Variants in KCNIP4 observed in about 807,000 individuals in gnomAD.
KCNIP4 encodes Kv channel-interacting protein 4.
Under a neutral mutation model 34.0 loss-of-function variants are expected in KCNIP4, and 12 were observed. The ratio of observed to expected loss-of-function variants is 0.35; its 90% CI spans 0.23 to 0.57. KCNIP4 has a LOEUF of 0.57. Among genes scored for constraint, KCNIP4 ranks in the 20% least tolerant of loss-of-function variants. KCNIP4 has a pLI of 0.83. For missense variants in KCNIP4, 238 were observed against 311.7 expected (o/e 0.76, Z 1.78); for synonymous variants, 124 against 102.2 (o/e 1.21, Z -1.29).
intron 1 of KCNIP4, among the ~76,000 whole-genome samples, chr4:21,436,391 A>G (rs1311897185): frequency 6.6e-6 from 1 of 151,414 alleles, no homozygotes; most frequent in Non-Finnish European, 1.5e-5. Flanking sequence ...TTACATCTTT[A>G]CTCTTTTTTT....
At chr4:21,519,847 ATATT>A (rs1257580468) in intron 1 of KCNIP4, among the ~76,000 whole-genome samples, 2 of 141,310 alleles carry the variant, frequency 1.4e-5, no homozygotes, top group East Asian at 2.1e-4. Flanking sequence ...GTGTGTGTAT[ATATT>A]TATATATTTA....
intron 1 of KCNIP4, among the ~76,000 whole-genome samples, chr4:21,206,859 G>A (rs538007239): frequency 7.2e-5 from 11 of 152,158 alleles, no homozygotes; most frequent in Non-Finnish European, 1.2e-4. Context: ...GAATTCAATC[G>A]TGGGGCTATC....
intron 1 of KCNIP4, among the ~76,000 whole-genome samples, chr4:21,818,508 A>G (rs965260450): frequency 1.3e-5 from 2 of 152,230 alleles, no homozygotes; most frequent in Non-Finnish European, 2.9e-5. Flanking sequence ...TTTTGTAGCC[A>G]CTAGTGGTGT....
chr4:20,826,878 T>G (rs1717828143), intron 3 of KCNIP4, among the ~76,000 whole-genome samples: 1 of 152,132 alleles, frequency 6.6e-6, no homozygotes, highest in South Asian at 2.1e-4. Context: ...GAAGGACAGA[T>G]TATTTAATAC....
At chr4:20,997,194 C>T (rs769306515) in intron 1 of KCNIP4, among the ~76,000 whole-genome samples, 6 of 151,958 alleles carry the variant, frequency 3.9e-5, no homozygotes, top group Non-Finnish European at 5.9e-5. Context: ...CTGGTAATAG[C>T]GCAAATAAAA....
At chr4:21,343,644 T>G (rs1014998164) in intron 1 of KCNIP4, among the ~76,000 whole-genome samples, 4 of 152,084 alleles carry the variant, frequency 2.6e-5, no homozygotes, top group African/African-American at 9.7e-5. Context: ...TTTCTCAAAT[T>G]TATTGTCCAT....
chr4:21,284,767 T>C (rs1763004543), intron 1 of KCNIP4, among the ~76,000 whole-genome samples: 1 of 151,810 alleles, frequency 6.6e-6, no homozygotes, highest in Non-Finnish European at 1.5e-5. Context: ...TGTGCGTGTG[T>C]GTGTGTGTAG....
At chr4:21,100,618 G>T (rs1005444115) in intron 1 of KCNIP4, among the ~76,000 whole-genome samples, 3 of 152,068 alleles carry the variant, frequency 2.0e-5, no homozygotes, top group Non-Finnish European at 4.4e-5. Context: ...TCCCTGATCA[G>T]CCAGCAGCCA....
intron 1 of KCNIP4, among the ~76,000 whole-genome samples, chr4:21,010,006 G>A (rs1738929552): frequency 6.6e-6 from 1 of 152,172 alleles, no homozygotes; most frequent in African/African-American, 2.4e-5. Flanking sequence ...TGAAGATGAT[G>A]GCCAGTTTAG....
intron 1 of KCNIP4, among the ~76,000 whole-genome samples, chr4:21,696,407 AGT>A (rs1712323977): frequency 6.6e-6 from 1 of 152,132 alleles, no homozygotes; most frequent in East Asian, 1.9e-4. Flanking sequence ...CCTTACTTAC[AGT>A]GTGTGAGTTT....
At chr4:20,874,494 G>A (rs1187740690) in intron 2 of KCNIP4, among the ~76,000 whole-genome samples, 1 of 152,050 alleles carries the variant, frequency 6.6e-6, no homozygotes, top group East Asian at 1.9e-4. Flanking sequence ...CCATATTGAA[G>A]TGAAATTCAT....
At chr4:21,094,732 G>A (rs980780004) in intron 1 of KCNIP4, among the ~76,000 whole-genome samples, 2 of 152,178 alleles carry the variant, frequency 1.3e-5, no homozygotes, top group African/African-American at 2.4e-5. Flanking sequence ...TTGCTCTGGG[G>A]AAAGGCAGCT....
At chr4:20,989,225 C>T (rs1331541004) in intron 1 of KCNIP4, among the ~76,000 whole-genome samples, 1 of 152,144 alleles carries the variant, frequency 6.6e-6, no homozygotes, top group South Asian at 2.1e-4. Flanking sequence ...TTTACAGGGT[C>T]CAACTACTAA....
intron 1 of KCNIP4, among the ~76,000 whole-genome samples, chr4:21,046,578 A>AATTTATTTATTTATTTATTT (rs150325780): frequency 0.12 from 14,149 of 117,878 alleles, 958 homozygotes; most frequent in African/African-American, 0.19. Context: ...GTTACTAGCT[A>AATTTATTTATTTATTTATTT]ATTTATTTAT....
At chr4:20,863,370 C>T (rs2149497597) in intron 2 of KCNIP4, among the ~76,000 whole-genome samples, 1 of 152,178 alleles carries the variant, frequency 6.6e-6, no homozygotes, top group South Asian at 2.1e-4. Flanking sequence ...TCAACTGATT[C>T]ATCAAGTGCA....
At chr4:21,206,400 G>T (rs750874757) in intron 1 of KCNIP4, among the ~76,000 whole-genome samples, 2 of 152,152 alleles carry the variant, frequency 1.3e-5, no homozygotes, top group Non-Finnish European at 2.9e-5. Flanking sequence ...AGACACTTTT[G>T]TTTCTAATAG....
intron 3 of KCNIP4, among the ~76,000 whole-genome samples, chr4:20,836,386 C>A (rs1406244109): frequency 6.6e-6 from 1 of 152,176 alleles, no homozygotes; most frequent in East Asian, 1.9e-4. Context: ...CATTAAAAAA[C>A]CCTCAACTTC....
intron 1 of KCNIP4, among the ~76,000 whole-genome samples, chr4:21,091,517 T>C (rs1176725817): frequency 6.6e-6 from 1 of 152,236 alleles, no homozygotes; most frequent in Non-Finnish European, 1.5e-5. Flanking sequence ...TTACCGAGTG[T>C]TGTCAAACAT....
At chr4:21,846,651 C>A (rs1198175638) in intron 1 of KCNIP4, 1 of 152,134 alleles carries the variant, frequency 6.6e-6, no homozygotes, top group Non-Finnish European at 1.5e-5. Context: ...GTGACCAGAT[C>A]TCAACTTATA....
Sources: gnomAD v4.1 joint callset for allele counts (sites outside exome capture counted in the v4.1 genomes callset) on GRCh38, gnomAD v4.1.1 for gene constraint, MANE v1.5 for transcripts, NCBI Gene and HGNC (gene_info 2026-07-23, HGNC 2026-07-21) for gene names.